The following ATP11A variants were observed in gnomAD, a reference collection of about 807,000 sequenced individuals.
ATP11A encodes ATPase phospholipid transporting 11A.
ATP11A carries 81 observed loss-of-function variants against 154.4 expected under a neutral mutation model. The ratio of observed to expected loss-of-function variants is 0.52; its 90% CI spans 0.44 to 0.63. The LOEUF (loss-of-function observed/expected upper bound fraction) is 0.63. Ranked by LOEUF, ATP11A falls within the 30% of genes least tolerant of loss-of-function variation. ATP11A has a pLI of 0.00. For synonymous variants in ATP11A, 623 were observed against 585.9 expected (o/e 1.06, Z -0.91); for missense variants, 1,316 against 1,474.3 (o/e 0.89, Z 1.76).
At chr13:112,771,009 C>T (rs903582435) in intron 1 of ATP11A, among the ~76,000 whole-genome samples, 1 of 152,134 alleles carries the variant, frequency 6.6e-6, no homozygotes, top group Non-Finnish European at 1.5e-5. Context: ...TGTTCTGCCC[C>T]GCGGTGTAAT....
At chr13:112,841,972 G>A (rs7325004) in intron 16 of ATP11A, among the ~76,000 whole-genome samples, 2,204 of 152,342 alleles carry the variant, frequency 0.014, 57 homozygotes, top group African/African-American at 0.05. Flanking sequence ...CGCCCGTCCC[G>A]AGGGCATTTT....
At chr13:112,848,612 G>GC (rs1158342329) in intron 17 of ATP11A, among the ~76,000 whole-genome samples, 4 of 152,190 alleles carry the variant, frequency 2.6e-5, no homozygotes, top group African/African-American at 7.2e-5. Flanking sequence ...GCAAAAGCAG[G>GC]CATCCCTGTC....
chr13:112,737,027 C>T (rs1264680007), intron 1 of ATP11A, among the ~76,000 whole-genome samples: 1 of 152,058 alleles, frequency 6.6e-6, no homozygotes, highest in Non-Finnish European at 1.5e-5. Context: ...CTCCTGGAAA[C>T]AACCCACATG....
intron 23 of ATP11A, 47 bp from the exon 24 acceptor site, chr13:112,860,240 T>C: frequency 3.2e-6 from 5 of 1,579,350 alleles, no homozygotes; most frequent in South Asian, 1.1e-5. Context: ...CCAAAAAGTT[T>C]GTAACAATGC....
chr13:112,859,132 A>G lies in ATP11A; in HGVS notation c.2668-261A>G. The G allele has an allele frequency of 2.0e-6, 1 of 491,234 alleles. No homozygotes were observed. Among genetic ancestry groups the G allele is most frequent in the Non-Finnish European group, 3.7e-6 (1 of 268,034 alleles). The allele number at this position is 491,234 out of a possible 1,614,324, so 30.4% of individuals were successfully genotyped here. A position where few individuals can be genotyped will look rare whatever the true frequency, so the allele number is the denominator to read the frequency against. ...TCGATTCTTTCCCGTTTATACTGAT[A>G]CCTGCATTGCCTTCTTGTTTCTCTT... On this transcript the variant is annotated intron_variant, in intron 22 of 29. Coordinates refer to ENST00000375645, the MANE Select transcript of ATP11A (RefSeq NM_015205.3). The surrounding 1 kb of genome is among the most constrained non-coding windows in gnomAD (Gnocchi z 4.3).
rs113081099 is a variant in ATP11A, at chr13:112,819,732, C to A, written c.675-168C>A. 1.3e-5 allele frequency among the ~76,000 whole-genome samples: 2 copies of A among 152,204 alleles called. 1 individual carries two copies. Among genetic ancestry groups the A allele is most frequent in the South Asian group, 4.1e-4 (2 of 4,824 alleles). ...AAAATCACCGAAGCCATGAGCTGAT[C>A]AGAACAGAAAGTACGACAAGGGAAG... On this transcript the variant is annotated intron_variant, in intron 7 of 29. Transcript: ENST00000375645.
At chr13:112,764,384 T>C (rs2077028286) in intron 1 of ATP11A, among the ~76,000 whole-genome samples, 1 of 152,240 alleles carries the variant, frequency 6.6e-6, no homozygotes, top group Admixed American at 6.5e-5. Context: ...GGTAGCCCTG[T>C]TCCTTACGAT....
intron 1 of ATP11A, among the ~76,000 whole-genome samples, chr13:112,702,891 A>T (rs1886736216): frequency 6.6e-6 from 1 of 152,238 alleles, no homozygotes; most frequent in African/African-American, 2.4e-5. Context: ...GAATCATGTT[A>T]ACACACAGGC....
chr13:112,872,510 C>G (rs1184204371), intron 26 of ATP11A, among the ~76,000 whole-genome samples: 1 of 152,218 alleles, frequency 6.6e-6, no homozygotes, highest in African/African-American at 2.4e-5. Context: ...ACTTGGGAGG[C>G]TGAGGCACGA....
chr13:112,719,356 A>T (rs1888887488), intron 1 of ATP11A, among the ~76,000 whole-genome samples: 1 of 152,242 alleles, frequency 6.6e-6, no homozygotes, highest in African/African-American at 2.4e-5. Context: ...CGTAATCTTC[A>T]ATCTTCTGTT....
intron 1 of ATP11A, among the ~76,000 whole-genome samples, chr13:112,766,303 T>TC (rs1435711948): frequency 6.6e-6 from 1 of 152,176 alleles, no homozygotes; most frequent in Non-Finnish European, 1.5e-5. Context: ...CATTTCTGTC[T>TC]CTAGTAATAA....
At chr13:112,771,387 G>A (rs1004843689) in intron 1 of ATP11A, among the ~76,000 whole-genome samples, 7 of 152,244 alleles carry the variant, frequency 4.6e-5, no homozygotes, top group African/African-American at 1.7e-4. Flanking sequence ...GTTCTGGGAC[G>A]GGCGCAGGTG....
intron 1 of ATP11A, among the ~76,000 whole-genome samples, chr13:112,714,484 C>T (rs1241685871): frequency 1.3e-5 from 2 of 152,194 alleles, no homozygotes; most frequent in Admixed American, 6.5e-5. Flanking sequence ...CCTCACTCCC[C>T]GAACCCTGCC....
chr13:112,690,510 G>A lies in ATP11A; in HGVS notation c.39+55G>A. 1.6e-6 allele frequency: 2 copies of A among 1,268,564 alleles called. No homozygotes were observed. The highest frequency in any genetic ancestry group is 9.9e-7 in the Non-Finnish European group (1 of 1,006,608). The allele number at this position is 1,268,564 out of a possible 1,614,324, so 78.6% of individuals were successfully genotyped here. A position where few individuals can be genotyped will look rare whatever the true frequency, so the allele number is the denominator to read the frequency against. ...CCGGGGACCAGACAGACGCGGGCCG[G>A]CCCCGCAGCCCGGACCCTGTGGCCG... On this transcript the variant is annotated intron_variant, in intron 1 of 29. Coordinates refer to ENST00000375645, the MANE Select transcript of ATP11A (RefSeq NM_015205.3). This position sits in a 1 kb window ranked among gnomAD's most constrained non-coding sequence, Gnocchi z 5.6.
At chr13:112,723,976 C>G (rs73576459) in intron 1 of ATP11A, among the ~76,000 whole-genome samples, 4,473 of 152,180 alleles carry the variant, frequency 0.029, 204 homozygotes, top group African/African-American at 0.099. Flanking sequence ...ACATACAAGC[C>G]TGTCGTGTGG....
At position 112,875,002 on chromosome 13, in the gene ATP11A, C is replaced by G. The variant is rs2080674451; in HGVS notation, c.3162-774C>G. Among the ~76,000 whole-genome samples the G allele has an allele frequency of 6.6e-6, 1 of 152,190 alleles. No homozygotes were observed. Among genetic ancestry groups the G allele is most frequent in the African/African-American group, 2.4e-5 (1 of 41,446 alleles). On this transcript the variant is annotated intron_variant, in intron 27 of 29. Transcript: ENST00000375645. This position sits in a 1 kb window ranked among gnomAD's most constrained non-coding sequence, Gnocchi z 4.1. ...ACGTCTTTGATGTGCTGGGAGCTCA[C>G]CATGTCACCACCGCTTGGTGATGAG...
intron 1 of ATP11A, among the ~76,000 whole-genome samples, chr13:112,698,173 G>A (rs1366066883): frequency 1.3e-5 from 2 of 152,034 alleles, no homozygotes; most frequent in African/African-American, 4.8e-5. Flanking sequence ...CCACTTTTTT[G>A]GAAGTCTCGT....
At chr13:112,756,740 G>A (rs1412906426) in intron 1 of ATP11A, among the ~76,000 whole-genome samples, 1 of 152,178 alleles carries the variant, frequency 6.6e-6, no homozygotes, top group Non-Finnish European at 1.5e-5. Flanking sequence ...TGCACCCCAG[G>A]GCAGCCTGTG....
At chr13:112,810,559 C>T in intron 4 of ATP11A, 60 bp from the exon 5 acceptor site, 1 of 1,403,068 alleles carries the variant, frequency 7.1e-7, no homozygotes. Flanking sequence ...CTCTCCCTCC[C>T]TTTCTCCTCC....
Sources: gnomAD v4.1 joint callset for allele counts (sites outside exome capture counted in the v4.1 genomes callset) on GRCh38, gnomAD v4.1.1 for gene constraint, Gnocchi (gnomAD v3.1) non-coding constraint, MANE v1.5 for transcripts, NCBI Gene and HGNC (gene_info 2026-07-23, HGNC 2026-07-21) for gene names.